Variants in THSD7A observed in about 807,000 individuals in gnomAD.
THSD7A encodes the protein thrombospondin type 1 domain containing 7A.
Under a neutral mutation model 231.3 loss-of-function variants are expected in THSD7A, and 96 were observed. The observed-to-expected ratio is 0.41, with a 90% CI of 0.35 to 0.49. The LOEUF is 0.49. THSD7A is among the 20% of genes least tolerant of loss of function. The pLI is 0.05. For synonymous variants in THSD7A, 940 were observed against 743.3 expected (o/e 1.26, Z -4.30); for missense variants, 2,290 against 2,070.2 (o/e 1.11, Z -2.06).
At chr7:11,741,675 TA>T (rs1782119869) in intron 1 of THSD7A, among the ~76,000 whole-genome samples, 1 of 151,906 alleles carries the variant, frequency 6.6e-6, no homozygotes, top group African/African-American at 2.4e-5. Flanking sequence ...TTTTAAATTA[TA>T]AGGTTAAAAC....
Position 11,411,917 on chromosome 7 carries a change from G to A in THSD7A, c.3683-595C>T, listed in dbSNP as rs543317701. On this transcript the variant is annotated intron_variant, in intron 18 of 27. Transcript: ENST00000423059. The surrounding 1 kb of genome is among the most constrained non-coding windows in gnomAD (Gnocchi z 4.1). ...CAGATAACTGTGATTTTTTTTTTTT[G>A]TATCATCAAAGGAAACTGAAGAGAA... 8.1e-4 allele frequency among the ~76,000 whole-genome samples: 116 copies of A among 143,336 alleles called. No homozygotes were observed. The highest frequency in any genetic ancestry group is 2.9e-3 in the African/African-American group (113 of 38,486). The allele number at this position is 143,336 out of a possible 152,430, so 94.0% of individuals were successfully genotyped here. A position where few individuals can be genotyped will look rare whatever the true frequency, so the allele number is the denominator to read the frequency against.
intron 6 of THSD7A, among the ~76,000 whole-genome samples, chr7:11,506,279 C>T (rs1012583377): frequency 4.6e-5 from 7 of 152,250 alleles, no homozygotes; most frequent in Non-Finnish European, 1.0e-4. Context: ...GAGTGAGCCG[C>T]GCTGGGCCTG....
chr7:11,644,790 TG>T lies in THSD7A; in HGVS notation c.191-7830del, dbSNP rs1782217848. On this transcript the variant is annotated intron_variant, in intron 1 of 27. Coordinates refer to ENST00000423059, the MANE Select transcript of THSD7A (RefSeq NM_015204.3). ...AGAATTACTTAACCTCTTTGCGTTC[TG>T]GTTTCCTCATTTTAAAAATACGATA... Among the ~76,000 whole-genome samples, 5 of 152,116 alleles carry T rather than the reference TG, an allele frequency of 3.3e-5. No individual in the cohort carries two copies. The South Asian group carries it at 1.0e-3, about 32-fold the overall frequency.
intron 1 of THSD7A, among the ~76,000 whole-genome samples, chr7:11,759,413 G>T (rs945416355): frequency 6.6e-6 from 1 of 151,994 alleles, no homozygotes; most frequent in Admixed American, 6.6e-5. Flanking sequence ...TAAGTTGAAA[G>T]ATATTAATCT....
intron 6 of THSD7A, among the ~76,000 whole-genome samples, chr7:11,513,630 C>T (rs143522145): frequency 3.3e-5 from 5 of 152,102 alleles, no homozygotes; most frequent in East Asian, 1.9e-4. Flanking sequence ...GCAGTGGTTG[C>T]CATGGGATGA....
intron 6 of THSD7A, among the ~76,000 whole-genome samples, chr7:11,487,845 A>G (rs1786724858): frequency 6.6e-6 from 1 of 152,186 alleles, no homozygotes; most frequent in Non-Finnish European, 1.5e-5. Flanking sequence ...GGGGATTATT[A>G]CAATTCAAGG....
At chr7:11,786,352 G>A (rs79877452) in intron 1 of THSD7A, among the ~76,000 whole-genome samples, 4,160 of 152,036 alleles carry the variant, frequency 0.027, 94 homozygotes, top group East Asian at 0.14. Context: ...AAACCCCTGC[G>A]GAGAGATTCT....
chr7:11,574,601 A>ATT (rs78701752), intron 4 of THSD7A, among the ~76,000 whole-genome samples: 1 of 140,046 alleles, frequency 7.1e-6, no homozygotes, highest in African/African-American at 2.6e-5. Flanking sequence ...CGCCCGGCTA[A>ATT]TTTTTTTTTT....
chr7:11,449,930 C>T (rs572543562), intron 11 of THSD7A, among the ~76,000 whole-genome samples: 3 of 151,958 alleles, frequency 2.0e-5, no homozygotes, highest in Non-Finnish European at 4.4e-5. Context: ...ATATGAGAAT[C>T]GTAAGCTGTG....
chr7:11,377,770 C>CTAAG lies in THSD7A; in HGVS notation c.4802-1117_4802-1114dup, dbSNP rs1554297273. The CTAAG allele has an allele frequency of 6.6e-6, 1 of 151,892 alleles. No individual in the cohort carries two copies. Among genetic ancestry groups the CTAAG allele is most frequent in the Admixed American group, 6.6e-5 (1 of 15,220 alleles). 9.4% of individuals were successfully genotyped at this position (151,892 alleles called of 1,614,324 possible). A position where few individuals can be genotyped will look rare whatever the true frequency, so the allele number is the denominator to read the frequency against. On this transcript the variant is annotated intron_variant, in intron 26 of 27. Transcript: ENST00000423059. The surrounding 1 kb of genome is among the most constrained non-coding windows in gnomAD (Gnocchi z 4.5). The stretch of plus-strand genomic sequence containing the variant: ...GGGGTTTTTCAAAATCAAAGAATAT[C>CTAAG]TAAGTTTTCAGAACATGCACCTTTT...
rs573788466 is a variant in THSD7A, at chr7:11,399,913, A to C, written c.4411+1882T>G. On this transcript the variant is annotated intron_variant, in intron 23 of 27. Transcript: ENST00000423059. ...ATAGCAAAGACTTGGGACCAACCCA[A>C]ATGTCCATCAATGATAGACTGGATT... is the stretch of plus-strand genomic sequence containing the variant. Among the ~76,000 whole-genome samples, 11 of 152,284 alleles carry C rather than the reference A, an allele frequency of 7.2e-5. No homozygotes were observed. The South Asian group carries it at 2.3e-3, about 32-fold the overall frequency.
intron 1 of THSD7A, among the ~76,000 whole-genome samples, chr7:11,680,457 C>T (rs1783826150): frequency 6.6e-6 from 1 of 152,104 alleles, no homozygotes; most frequent in African/African-American, 2.4e-5. Context: ...ATCCATCTGA[C>T]AAAGGGCTAA....
chr7:11,796,618 T>C (rs1308863815), intron 1 of THSD7A, among the ~76,000 whole-genome samples: 1 of 143,092 alleles, frequency 7.0e-6, no homozygotes, highest in East Asian at 2.0e-4. Context: ...TCTTGTAAGA[T>C]TATCTCTAAG....
At chr7:11,627,076 T>C (rs1296015227) in intron 2 of THSD7A, among the ~76,000 whole-genome samples, 4 of 152,106 alleles carry the variant, frequency 2.6e-5, no homozygotes, top group Non-Finnish European at 4.4e-5. Flanking sequence ...AACAAACATT[T>C]ACTGGGAGCT....
chr7:11,450,399 G>A (rs1162591105), intron 11 of THSD7A, among the ~76,000 whole-genome samples: 1 of 151,922 alleles, frequency 6.6e-6, no homozygotes, highest in Non-Finnish European at 1.5e-5. Context: ...GTTTTAGACA[G>A]TGTACTTTTG....
chr7:11,627,049 T>C (rs1161035737), intron 2 of THSD7A, among the ~76,000 whole-genome samples: 3 of 152,232 alleles, frequency 2.0e-5, no homozygotes, highest in Non-Finnish European at 2.9e-5. Context: ...AAAGATTTTC[T>C]TAAATTTTAA....
chr7:11,427,589 C>T (rs1784361399), intron 14 of THSD7A, among the ~76,000 whole-genome samples: 1 of 152,068 alleles, frequency 6.6e-6, no homozygotes, highest in African/African-American at 2.4e-5. Flanking sequence ...ACTGGGTGTA[C>T]ACATACACGC....
chr7:11,558,610 A>G (rs1789946245), intron 4 of THSD7A, among the ~76,000 whole-genome samples: 1 of 152,186 alleles, frequency 6.6e-6, no homozygotes, highest in African/African-American at 2.4e-5. Context: ...ATACTAGACC[A>G]TAATTAAAGA....
chr7:11,408,271 G>C (rs984261632), intron 19 of THSD7A, among the ~76,000 whole-genome samples: 1 of 152,144 alleles, frequency 6.6e-6, no homozygotes, highest in African/African-American at 2.4e-5. Context: ...CACTTTGGGA[G>C]ACCGAGGTGG....
Sources: gnomAD v4.1 joint callset for allele counts (sites outside exome capture counted in the v4.1 genomes callset) on GRCh38, gnomAD v4.1.1 for gene constraint, Gnocchi (gnomAD v3.1) non-coding constraint, MANE v1.5 for transcripts, NCBI Gene and HGNC (gene_info 2026-07-23, HGNC 2026-07-21) for gene names.